METTL8: variants seen among roughly 807,000 people sequenced by gnomAD.
METTL8 encodes tRNA N(3)-cytidine methyltransferase METTL8, mitochondrial.
In METTL8, 32 loss-of-function variants were observed where a neutral mutation model predicts 48.7. That is an observed-to-expected ratio of 0.66 (90% CI 0.50 to 0.88). METTL8 has a LOEUF of 0.88. Ranked by LOEUF, METTL8 falls within the 40% of genes least tolerant of loss-of-function variation. The pLI, the probability that METTL8 is intolerant of heterozygous loss-of-function variation, is 0.00. For synonymous variants in METTL8, 136 were observed against 157.1 expected (o/e 0.87, Z 1.01); for missense variants, 464 against 474.4 (o/e 0.98, Z 0.20).
intron 3 of METTL8, among the ~76,000 whole-genome samples, chr2:171,352,028 G>A (rs1438920093): frequency 1.3e-5 from 2 of 152,144 alleles, no homozygotes; most frequent in Admixed American, 6.6e-5. Context: ...GGACATCCCT[G>A]TTTTGTGCCA....
chr2:171,352,915 A>G (rs1684099539), intron 3 of METTL8, among the ~76,000 whole-genome samples: 1 of 152,130 alleles, frequency 6.6e-6, no homozygotes, highest in African/African-American at 2.4e-5. Context: ...TTTTCAAAAA[A>G]CCAGCTCCTG....
chr2:171,397,377 A>AAC (rs1553526679), intron 1 of METTL8, among the ~76,000 whole-genome samples: 12 of 144,166 alleles, frequency 8.3e-5, no homozygotes, highest in African/African-American at 1.3e-4. Context: ...AAAAAAAAAA[A>AAC]AACAACATCA....
At chr2:171,379,878 C>A (rs1687343317) in intron 2 of METTL8, among the ~76,000 whole-genome samples, 1 of 152,178 alleles carries the variant, frequency 6.6e-6, no homozygotes, top group African/African-American at 2.4e-5. Context: ...AAAGGAGGGA[C>A]TCCTCCCTAA....
At position 171,339,093 on chromosome 2, in the gene METTL8, C is replaced by CA. The variant is rs1299819678; in HGVS notation, c.606+90dup. 68 of 1,177,688 alleles carry CA rather than the reference C, an allele frequency of 5.8e-5. 1 individual carries two copies. Among genetic ancestry groups the CA allele is most frequent in the South Asian group, 1.9e-4 (7 of 36,104 alleles). 73.0% of individuals were successfully genotyped at this position (1,177,688 alleles called of 1,614,324 possible). A position where few individuals can be genotyped will look rare whatever the true frequency, so the allele number is the denominator to read the frequency against. On this transcript the variant is annotated intron_variant, in intron 4 of 9. Transcript: ENST00000375258. ...TTATTTACATTTGATAGTTTTCCACCAAAAAAAATCTGGATTTTTAATAAA... is the reference window on the plus strand; with the variant it reads ...TTATTTACATTTGATAGTTTTCCACCAAAAAAAAATCTGGATTTTTAATAAA...
chr2:171,344,587 T>C (rs1223262666), intron 3 of METTL8, among the ~76,000 whole-genome samples: 2 of 152,222 alleles, frequency 1.3e-5, no homozygotes, highest in Admixed American at 1.3e-4. Context: ...TTAAACTGCA[T>C]ACTTTAAATT....
At chr2:171,391,903 C>T (rs1243552603) in intron 2 of METTL8, 140 bp downstream of exon 2, 18 of 751,306 alleles carry the variant, frequency 2.4e-5, no homozygotes, top group Middle Eastern at 7.8e-4. Context: ...AAGTCAGGAT[C>T]GGTTACCCTA....
intron 1 of METTL8, among the ~76,000 whole-genome samples, chr2:171,411,018 T>C (rs756804402): frequency 6.6e-6 from 1 of 152,190 alleles, no homozygotes; most frequent in Non-Finnish European, 1.5e-5. Context: ...ATGGAACATA[T>C]ACAGTGGGAA....
At chr2:171,377,476 T>C (rs902135089) in intron 2 of METTL8, among the ~76,000 whole-genome samples, 23 of 151,992 alleles carry the variant, frequency 1.5e-4, no homozygotes, top group African/African-American at 5.6e-4. Context: ...GAAAATATTC[T>C]CAAACTATGT....
intron 1 of METTL8, among the ~76,000 whole-genome samples, chr2:171,398,543 G>C (rs573803782): frequency 6.6e-6 from 1 of 152,148 alleles, no homozygotes; most frequent in East Asian, 1.9e-4. Flanking sequence ...GATAGGGGAG[G>C]GGCGAGAGGA....
intron 1 of METTL8, among the ~76,000 whole-genome samples, chr2:171,393,775 C>A (rs1458866277): frequency 6.6e-6 from 1 of 152,138 alleles, no homozygotes; most frequent in Non-Finnish European, 1.5e-5. Flanking sequence ...ATATACTGTG[C>A]ACTCTTTACC....
chr2:171,429,778 G>A (rs1692795678), intron 1 of METTL8, among the ~76,000 whole-genome samples: 3 of 152,178 alleles, frequency 2.0e-5, no homozygotes, highest in African/African-American at 7.2e-5. Flanking sequence ...GGTGGCTCAC[G>A]CCTGTAATCC....
chr2:171,364,317 T>C lies in METTL8; in HGVS notation c.144-3804A>G, dbSNP rs571636281. ...AAACCTGTACTCTATGTTTAAGACATACAACAATTGTCTTTAAAACTTTAC... is the reference window on the plus strand; with the variant it reads ...AAACCTGTACTCTATGTTTAAGACACACAACAATTGTCTTTAAAACTTTAC... On this transcript the variant is annotated intron_variant, in intron 2 of 9. Transcript: ENST00000375258. Among the ~76,000 whole-genome samples the C allele has an allele frequency of 1.1e-4, 16 of 152,206 alleles. No homozygotes were observed. In the South Asian group the frequency reaches 2.7e-3, roughly 26 times the overall value.
intron 3 of METTL8, among the ~76,000 whole-genome samples, chr2:171,348,094 G>A (rs1219226168): frequency 6.6e-6 from 1 of 152,168 alleles, no homozygotes; most frequent in African/African-American, 2.4e-5. Context: ...AACTACTGTT[G>A]CTTCAAACTT....
chr2:171,410,231 G>C (rs546489370), intron 1 of METTL8, among the ~76,000 whole-genome samples: 1 of 152,206 alleles, frequency 6.6e-6, no homozygotes, highest in East Asian at 1.9e-4. Flanking sequence ...CATTTTAAAT[G>C]GTGATTAAGA....
upstream of METTL8, chr2:171,434,161 G>C: frequency 2.8e-6 from 1 of 351,248 alleles, no homozygotes; most frequent in Non-Finnish European, 5.7e-6. Context: ...CGGGGCCGCG[G>C]CAGGCAGAGG....
chr2:171,332,682 T>C (rs1305719617), intron 5 of METTL8: 1 of 152,238 alleles, frequency 6.6e-6, no homozygotes, highest in Non-Finnish European at 1.5e-5. Flanking sequence ...CAGCATGTCA[T>C]TAAACAGTAA....
intron 1 of METTL8, among the ~76,000 whole-genome samples, chr2:171,403,463 C>A (rs12479279): frequency 0.011 from 1,696 of 152,054 alleles, 33 homozygotes; most frequent in Admixed American, 0.047. Flanking sequence ...TGAGAAACTG[C>A]CAGAGCCAAG....
At chr2:171,341,139 C>T (rs560206956) in intron 3 of METTL8, among the ~76,000 whole-genome samples, 15 of 151,882 alleles carry the variant, frequency 9.9e-5, no homozygotes, top group Admixed American at 4.6e-4. Flanking sequence ...ACCAGCCTGA[C>T]CAACATGGTG....
chr2:171,366,316 G>A (rs1416748042), intron 2 of METTL8, among the ~76,000 whole-genome samples: 1 of 152,106 alleles, frequency 6.6e-6, no homozygotes, highest in Non-Finnish European at 1.5e-5. Flanking sequence ...AACCACACTA[G>A]ACTCAGGATA....
Sources: gnomAD v4.1 joint callset for allele counts (sites outside exome capture counted in the v4.1 genomes callset) on GRCh38, gnomAD v4.1.1 for gene constraint, MANE v1.5 for transcripts, NCBI Gene and HGNC (gene_info 2026-07-23, HGNC 2026-07-21) for gene names.